AZIN2: variants seen among roughly 807,000 people sequenced by gnomAD.
The protein encoded by AZIN2 is ODC antizyme inhibitor-2.
A neutral mutation model predicts 47.8 loss-of-function variants in AZIN2; 28 were observed. The ratio of observed to expected loss-of-function variants is 0.59; its 90% CI spans 0.43 to 0.80. The LOEUF (loss-of-function observed/expected upper bound fraction) is 0.80, where lower values mean the gene tolerates loss of function less well. Ranked by LOEUF, AZIN2 falls within the 30% of genes least tolerant of loss-of-function variation. AZIN2 has a pLI of 0.00. For missense variants in AZIN2, 535 were observed against 582.5 expected, an observed-to-expected ratio of 0.92 and a Z score of 0.84; for synonymous variants, 221 against 239.4, an observed-to-expected ratio of 0.92 and a Z score of 0.71.
chr1:33,165,428 C>T, the AZIN2 span: 10 of 1,525,272 alleles, frequency 6.6e-6, no homozygotes, highest in South Asian at 2.4e-5. This position sits in a 1 kb window ranked among gnomAD's most constrained non-coding sequence, Gnocchi z 4.0. Context: ...AAGCCCTGCC[C>T]TCATCTCTGC....
chr1:33,089,079 A>C (rs974099968), intron 5 of AZIN2, among the ~76,000 whole-genome samples: 4 of 152,126 alleles, frequency 2.6e-5, no homozygotes, highest in Non-Finnish European at 5.9e-5. Flanking sequence ...TGCATTCCCC[A>C]TTACAGCAGT....
chr1:33,108,723 T>G lies in AZIN2; in HGVS notation c.1030-9179T>G, dbSNP rs548825370. Among the ~76,000 whole-genome samples, 4 of 152,366 alleles carry G rather than the reference T, an allele frequency of 2.6e-5. No homozygotes were observed. The East Asian group carries it at 5.8e-4, about 22-fold the overall frequency. ...TTGATAGCTCATTTCTTTTTAGCACTGAATAATATTCCATTATCTGGGTAT... is the reference window on the plus strand; with the variant it reads ...TTGATAGCTCATTTCTTTTTAGCACGGAATAATATTCCATTATCTGGGTAT... On this transcript the variant is annotated intron_variant, in intron 10 of 11. Coordinates refer to ENST00000294517, the MANE Select transcript of AZIN2 (RefSeq NM_052998.4).
chr1:33,088,828 G>A (rs1232155255), intron 5 of AZIN2, among the ~76,000 whole-genome samples: 5 of 152,150 alleles, frequency 3.3e-5, no homozygotes, highest in Admixed American at 6.6e-5. Context: ...GTTGTCCTTT[G>A]CCTCTCACAC....
intron 10 of AZIN2, among the ~76,000 whole-genome samples, chr1:33,105,675 C>T (rs1208189428): frequency 6.6e-6 from 1 of 152,188 alleles, no homozygotes; most frequent in Admixed American, 6.5e-5. Flanking sequence ...CAACAGGCCC[C>T]TCCCTCAATA....
chr1:33,158,438 G>A, the AZIN2 span: 7 of 1,270,908 alleles, frequency 5.5e-6, no homozygotes, highest in Non-Finnish European at 8.0e-6. Context: ...GGGCCCCGCA[G>A]CCACCTTCAG....
At chr1:33,161,211 C>T in the AZIN2 span, among the ~76,000 whole-genome samples, 593 of 152,314 alleles carry the variant, frequency 3.9e-3, 3 homozygotes, top group Middle Eastern at 6.8e-3. This position sits in a 1 kb window ranked among gnomAD's most constrained non-coding sequence, Gnocchi z 4.3. Flanking sequence ...AAGCGTTTCC[C>T]GGAAGTCTTC....
chr1:33,144,788 C>T, the AZIN2 span, among the ~76,000 whole-genome samples: 1 of 152,128 alleles, frequency 6.6e-6, no homozygotes, highest in Non-Finnish European at 1.5e-5. Context: ...CTAGGTGGTT[C>T]CATACCCGTC....
At chr1:33,082,527 C>A in intron 4 of AZIN2, 173 bp downstream of exon 4, 1 of 549,836 alleles carries the variant, frequency 1.8e-6, no homozygotes, top group Non-Finnish European at 3.2e-6. Context: ...TGCCCCCAAA[C>A]CTGCCCCTCC....
At chr1:33,101,249 G>C (rs1178655868) in intron 10 of AZIN2, among the ~76,000 whole-genome samples, 1 of 151,848 alleles carries the variant, frequency 6.6e-6, no homozygotes, top group Non-Finnish European at 1.5e-5. Context: ...GTGTTGTCTA[G>C]GCGGGTTGAG....
chr1:33,143,597 T>G, the AZIN2 span, among the ~76,000 whole-genome samples: 1 of 152,136 alleles, frequency 6.6e-6, no homozygotes, highest in Non-Finnish European at 1.5e-5. Context: ...TTCCTCTTCC[T>G]AGAAACCCAG....
chr1:33,166,715 A>G, the AZIN2 span, among the ~76,000 whole-genome samples: 24 of 152,176 alleles, frequency 1.6e-4, no homozygotes, highest in Non-Finnish European at 2.6e-4. Context: ...GTTTTCTACC[A>G]TGATGACTCC....
chr1:33,152,319 A>G, the AZIN2 span, among the ~76,000 whole-genome samples: 3 of 152,144 alleles, frequency 2.0e-5, no homozygotes, highest in Non-Finnish European at 4.4e-5. Context: ...TAATTCCAGC[A>G]CTTTGGGAGG....
At chr1:33,104,306 A>G (rs1214077899) in intron 10 of AZIN2, among the ~76,000 whole-genome samples, 1 of 152,038 alleles carries the variant, frequency 6.6e-6, no homozygotes, top group Non-Finnish European at 1.5e-5. Context: ...GAGGTCTTGA[A>G]GTTTTTTCTT....
At chr1:33,115,048 A>G (rs1644475653) in intron 10 of AZIN2, among the ~76,000 whole-genome samples, 1 of 152,162 alleles carries the variant, frequency 6.6e-6, no homozygotes, top group Non-Finnish European at 1.5e-5. Flanking sequence ...TGTCAGACAT[A>G]TGTGCCTTTG....
At chr1:33,101,917 GTTTA>G in intron 10 of AZIN2, 1 of 777,108 alleles carries the variant, frequency 1.3e-6, no homozygotes, top group Non-Finnish European at 2.4e-6. Flanking sequence ...GTATGCTGCA[GTTTA>G]TTTGTCCATT....
At chr1:33,082,448 C>A (rs1641386968) in intron 4 of AZIN2, 94 bp downstream of exon 4, 2 of 828,934 alleles carry the variant, frequency 2.4e-6, no homozygotes, top group East Asian at 2.8e-5. Flanking sequence ...CTTATCCTTT[C>A]GCTTATTTGG....
the AZIN2 span, among the ~76,000 whole-genome samples, chr1:33,144,604 T>C: frequency 4.6e-3 from 696 of 152,360 alleles, 12 homozygotes; most frequent in African/African-American, 0.016. Flanking sequence ...CAGTAAGACT[T>C]CTAAGTAAAG....
At chr1:33,092,906 C>T (rs1251375095) in intron 6 of AZIN2, among the ~76,000 whole-genome samples, 1 of 152,224 alleles carries the variant, frequency 6.6e-6, no homozygotes, top group African/African-American at 2.4e-5. Flanking sequence ...TGGGCCACTC[C>T]AGTCCATCCA....
chr1:33,086,337 T>C (rs1641895628), intron 5 of AZIN2, among the ~76,000 whole-genome samples: 1 of 152,132 alleles, frequency 6.6e-6, no homozygotes, highest in South Asian at 2.1e-4. Flanking sequence ...CTGAGTTGCC[T>C]TGGACTCTGT....
Sources: allele counts gnomAD v4.1 joint callset (sites outside exome capture counted in the v4.1 genomes callset), GRCh38; gene constraint gnomAD v4.1.1; non-coding constraint Gnocchi (gnomAD v3.1); transcripts MANE v1.5; gene names NCBI Gene and HGNC (gene_info 2026-07-23, HGNC 2026-07-21).